Variants in SGCD observed in about 807,000 individuals in gnomAD.
SGCD encodes the protein delta-sarcoglycan.
In SGCD, 18 loss-of-function variants were observed where a neutral mutation model predicts 36.6. The ratio of observed to expected loss-of-function variants is 0.49; its 90% CI spans 0.34 to 0.73. The LOEUF is 0.73. Among genes scored for constraint, SGCD ranks in the 30% least tolerant of loss-of-function variants. SGCD has a pLI of 0.01. For missense variants in SGCD, 387 were observed against 346.7 expected, an observed-to-expected ratio of 1.12 and a Z score of -0.92; for synonymous variants, 133 against 130.6, an observed-to-expected ratio of 1.02 and a Z score of -0.12.
At chr5:156,155,824 G>C (rs1039323537) in intron 3 of SGCD, among the ~76,000 whole-genome samples, 5 of 151,592 alleles carry the variant, frequency 3.3e-5, no homozygotes, top group Non-Finnish European at 7.4e-5. Context: ...TTCCTGCCAA[G>C]GCTAGTTTCT....
intron 1 of SGCD, among the ~76,000 whole-genome samples, chr5:156,008,069 G>C (rs1758788853): frequency 6.6e-6 from 1 of 151,964 alleles, no homozygotes; most frequent in Admixed American, 6.5e-5. Context: ...GATGTTCTTT[G>C]AGTCAACTTT....
At chr5:156,337,937 G>T (rs1402747291) in intron 2 of SGCD, among the ~76,000 whole-genome samples, 3 of 152,254 alleles carry the variant, frequency 2.0e-5, no homozygotes, top group South Asian at 2.1e-4. Context: ...ACAGAGAACT[G>T]CACTCACAGC....
At chr5:156,192,309 C>A (rs1484043722) in intron 3 of SGCD, among the ~76,000 whole-genome samples, 1 of 152,068 alleles carries the variant, frequency 6.6e-6, no homozygotes, top group African/African-American at 2.4e-5. Context: ...TATATATATA[C>A]AAAACATTTT....
intron 3 of SGCD, among the ~76,000 whole-genome samples, chr5:156,181,222 A>T (rs953626374): frequency 2.6e-5 from 4 of 152,170 alleles, no homozygotes; most frequent in African/African-American, 9.7e-5. Context: ...CAAAAATAGC[A>T]TCAGAAAACA....
chr5:156,532,354 A>C (rs1441814665), intron 4 of SGCD, among the ~76,000 whole-genome samples: 2 of 152,328 alleles, frequency 1.3e-5, no homozygotes, highest in East Asian at 3.9e-4. Flanking sequence ...ACCTATTGTG[A>C]TTGCTCATAA....
intron 1 of SGCD, among the ~76,000 whole-genome samples, chr5:156,001,106 A>G (rs1758655569): frequency 6.6e-6 from 1 of 152,132 alleles, no homozygotes; most frequent in Admixed American, 6.5e-5. Flanking sequence ...GGGGTCTACT[A>G]CCTGCTTGGT....
intron 6 of SGCD, among the ~76,000 whole-genome samples, chr5:156,603,517 T>C (rs1225208912): frequency 6.6e-6 from 1 of 152,110 alleles, no homozygotes; most frequent in Non-Finnish European, 1.5e-5. Context: ...GATTGCTTAA[T>C]ATAAATCATT....
intron 3 of SGCD, among the ~76,000 whole-genome samples, chr5:156,475,459 C>T (rs959903083): frequency 1.8e-4 from 27 of 152,140 alleles, no homozygotes; most frequent in Non-Finnish European, 3.7e-4. Flanking sequence ...AATTCTGTCC[C>T]TTTTTGTAAA....
chr5:156,637,168 T>TTGCTCAGCACTTCTCTCTCC (rs1317854020), intron 6 of SGCD, among the ~76,000 whole-genome samples: 5 of 152,108 alleles, frequency 3.3e-5, no homozygotes, highest in Admixed American at 6.6e-5. Context: ...TTTCCCCATT[T>TTGCTCAGCACTTCTCTCTCC]TGCTCAGCAC....
At chr5:156,655,270 AT>A (rs1763627771) in intron 7 of SGCD, among the ~76,000 whole-genome samples, 1 of 152,134 alleles carries the variant, frequency 6.6e-6, no homozygotes, top group Non-Finnish European at 1.5e-5. Context: ...ATTGAGTAAC[AT>A]TTGTTTTCCT....
At chr5:156,138,117 G>A (rs911062151) in intron 3 of SGCD, among the ~76,000 whole-genome samples, 2 of 151,968 alleles carry the variant, frequency 1.3e-5, no homozygotes, top group Admixed American at 1.3e-4. Context: ...TCACATACAC[G>A]GAGCCAGGCA....
intron 1 of SGCD, among the ~76,000 whole-genome samples, chr5:156,008,550 A>G (rs1357373850): frequency 6.6e-6 from 1 of 151,952 alleles, no homozygotes; most frequent in Admixed American, 6.6e-5. Flanking sequence ...TAATTTTTTA[A>G]TTCTTTGTAG....
At chr5:156,562,025 A>C (rs1759285001) in intron 4 of SGCD, among the ~76,000 whole-genome samples, 1 of 152,198 alleles carries the variant, frequency 6.6e-6, no homozygotes, top group African/African-American at 2.4e-5. Context: ...ATGACTCTTC[A>C]TATATTCTTT....
chr5:156,185,498 G>A (rs796970799), intron 3 of SGCD, among the ~76,000 whole-genome samples: 5 of 152,158 alleles, frequency 3.3e-5, no homozygotes, highest in South Asian at 4.1e-4. Flanking sequence ...ACAGATGTGA[G>A]CCACCGCGCC....
intron 1 of SGCD, among the ~76,000 whole-genome samples, chr5:156,091,118 T>G (rs1198269348): frequency 2.0e-5 from 3 of 152,212 alleles, no homozygotes; most frequent in Non-Finnish European, 2.9e-5. Flanking sequence ...ATTAAGAGAT[T>G]AAAGACAGGC....
intron 1 of SGCD, among the ~76,000 whole-genome samples, chr5:155,989,172 G>A (rs529740623): frequency 2.6e-5 from 4 of 152,166 alleles, no homozygotes; most frequent in Non-Finnish European, 5.9e-5. Context: ...CTTAATTCAA[G>A]GGTTGGCAAA....
In SGCD at chr5:156,158,096, G is replaced by A. The variant is rs145158989; in HGVS notation, c.-44+34077G>A. Among the ~76,000 whole-genome samples, 302 of 151,098 alleles carry A rather than the reference G, an allele frequency of 2.0e-3. 2 individuals are homozygous for A. The highest frequency in any genetic ancestry group is 3.3e-3 in the Non-Finnish European group (221 of 67,954). ...GCACCATGATAAGGTTTAGCCCTTA[G>A]GTTCCCACTGGTGGAAAGGACTATG... is the stretch of plus-strand genomic sequence containing the variant. On this transcript the variant is annotated intron_variant, in intron 3 of 9. Transcript: ENST00000517913.
At chr5:155,768,573 T>C in the SGCD span, among the ~76,000 whole-genome samples, 2 of 152,084 alleles carry the variant, frequency 1.3e-5, no homozygotes, top group African/African-American at 4.8e-5. Flanking sequence ...TGATTGACAA[T>C]GTTCAGAAAT....
intron 3 of SGCD, among the ~76,000 whole-genome samples, chr5:156,205,989 A>T (rs1285227933): frequency 7.3e-6 from 1 of 136,112 alleles, no homozygotes; most frequent in East Asian, 3.3e-4. Flanking sequence ...ATATATATAT[A>T]TTTTATATAT....
Sources: gnomAD v4.1 joint callset for allele counts (sites outside exome capture counted in the v4.1 genomes callset) on GRCh38, gnomAD v4.1.1 for gene constraint, MANE v1.5 for transcripts, NCBI Gene and HGNC (gene_info 2026-07-23, HGNC 2026-07-21) for gene names.